The following GLG1 variants were observed in gnomAD, a reference collection of about 807,000 sequenced individuals.
GLG1 encodes the protein Golgi apparatus protein 1.
Under a neutral mutation model 160.5 loss-of-function variants are expected in GLG1, and 38 were observed. The observed-to-expected ratio is 0.24, with a 90% CI of 0.18 to 0.31. The LOEUF (loss-of-function observed/expected upper bound fraction) is 0.31. Among genes scored for constraint, GLG1 ranks in the 10% least tolerant of loss-of-function variants. The pLI is 1.00. For missense variants in GLG1, 1,373 were observed against 1,505.2 expected (o/e 0.91, Z 1.45); for synonymous variants, 644 against 543.4 (o/e 1.19, Z -2.57).
At position 74,517,103 on chromosome 16, in the gene GLG1, C is replaced by T. The variant is rs558295055; in HGVS notation, c.472-8178G>A. On this transcript the variant is annotated intron_variant, in intron 2 of 25. Coordinates refer to ENST00000422840, the MANE Select transcript of GLG1 (RefSeq NM_001145667.2). Reference sequence around the variant, plus strand: ...AAAAGTCCAGGACCAGGTGGACTCACGGCCGAATTCTACCAGAGGTACAAA... The same window carrying T: ...AAAAGTCCAGGACCAGGTGGACTCATGGCCGAATTCTACCAGAGGTACAAA... 2.2e-4 allele frequency among the ~76,000 whole-genome samples: 33 copies of T among 152,280 alleles called. 1 individual carries two copies. The highest frequency in any genetic ancestry group is 6.5e-4 in the African/African-American group (27 of 41,558).
In GLG1 at chr16:74,492,943, A is replaced by T. The variant is rs7196423; in HGVS notation, c.1234+14T>A. 5,816 of 1,532,310 alleles carry T rather than the reference A, an allele frequency of 3.8e-3. 96 individuals are homozygous for T. In the African/African-American group the frequency reaches 0.048, roughly 13 times the overall value. 94.9% of individuals were successfully genotyped at this position (1,532,310 alleles called of 1,614,324 possible). ...GAACAGAAATGATAATTAAAAAAAA[A>T]ATATGAATGCTACCTCTGTGTACAG... On this transcript the variant is annotated intron_variant, in intron 7 of 25. Coordinates refer to ENST00000422840, the MANE Select transcript of GLG1 (RefSeq NM_001145667.2).
chr16:74,535,403 C>G (rs1346618558), intron 1 of GLG1, among the ~76,000 whole-genome samples: 1 of 152,212 alleles, frequency 6.6e-6, no homozygotes, highest in African/African-American at 2.4e-5. Context: ...TGATTTGCAA[C>G]TGACTATAAA....
intron 19 of GLG1, among the ~76,000 whole-genome samples, chr16:74,465,385 C>T (rs1158212509): frequency 6.6e-6 from 1 of 152,194 alleles, no homozygotes; most frequent in African/African-American, 2.4e-5. Flanking sequence ...ACTTGTGCCT[C>T]AGGTCAAAGT....
intron 1 of GLG1, among the ~76,000 whole-genome samples, chr16:74,565,734 G>C (rs1315089497): frequency 6.6e-6 from 1 of 152,276 alleles, no homozygotes; most frequent in East Asian, 1.9e-4. Flanking sequence ...TGCCTGATTC[G>C]CAAATTATTC....
At position 74,493,160 on chromosome 16, in the gene GLG1, A is replaced by G; in HGVS notation, c.1051-20T>C. The G allele has an allele frequency of 6.3e-7, 1 of 1,579,596 alleles. No individual in the cohort carries two copies. The highest frequency in any genetic ancestry group is 8.7e-7 in the Non-Finnish European group (1 of 1,155,894). Reference sequence around the variant, plus strand: ...TCGACACTGAGGAAAGAGTACAGCAACAGCCGTGAGACCACTCATGTAACT... The same window carrying G: ...TCGACACTGAGGAAAGAGTACAGCAGCAGCCGTGAGACCACTCATGTAACT... On this transcript the variant is annotated intron_variant, in intron 6 of 25. Coordinates refer to ENST00000422840, the MANE Select transcript of GLG1 (RefSeq NM_001145667.2).
chr16:74,598,044 A>C (rs771838303), intron 1 of GLG1, among the ~76,000 whole-genome samples: 1 of 152,066 alleles, frequency 6.6e-6, no homozygotes, highest in Non-Finnish European at 1.5e-5. Flanking sequence ...AACAAAATCA[A>C]TAAGAATGAT....
chr16:74,544,052 T>C (rs937984071), intron 1 of GLG1, among the ~76,000 whole-genome samples: 3 of 152,226 alleles, frequency 2.0e-5, no homozygotes, highest in Non-Finnish European at 2.9e-5. Context: ...GCAGAACAGA[T>C]GCAGATCCTT....
intron 1 of GLG1, among the ~76,000 whole-genome samples, chr16:74,586,859 C>T (rs1212180193): frequency 1.3e-5 from 2 of 152,164 alleles, no homozygotes; most frequent in East Asian, 3.9e-4. Context: ...CCACACCCTG[C>T]TAATTTTTGT....
intron 2 of GLG1, among the ~76,000 whole-genome samples, chr16:74,519,603 T>A (rs13380609): frequency 0.27 from 40,941 of 150,958 alleles, 6,041 homozygotes; most frequent in Middle Eastern, 0.36. Flanking sequence ...GCTCGTTTAA[T>A]CTACTTCCTC....
chr16:74,466,888 G>A (rs956717474), intron 18 of GLG1, among the ~76,000 whole-genome samples: 7 of 152,118 alleles, frequency 4.6e-5, no homozygotes, highest in South Asian at 2.1e-4. Context: ...CATGGAAGAC[G>A]GACTCAGATG....
Position 74,483,085 on chromosome 16 carries a change from C to T in GLG1, c.1611G>A (p.Lys537=). ...GACGGTGTTCACAGTCTTCTACCATCTTCTCTGTGTATAAATGTTCCATCA... is the reference window on the plus strand; with the variant it reads ...GACGGTGTTCACAGTCTTCTACCATTTTCTCTGTGTATAAATGTTCCATCA... ...SCLMEHLYTE[K]MVEDCEHRLL... Residue 537 remains lysine (K), a synonymous_variant, in exon 10 of 26, where the codon AAG becomes AAA. Transcript: ENST00000422840. The T allele has an allele frequency of 6.2e-7, 1 of 1,610,226 alleles. No homozygotes were observed.
At chr16:74,493,188 A>C in intron 6 of GLG1, 48 bp from the exon 7 acceptor site, 1 of 1,325,784 alleles carries the variant, frequency 7.5e-7, no homozygotes, top group South Asian at 1.3e-5. Context: ...ATGTAACTTT[A>C]CTGTTGACGT....
chr16:74,487,645 C>G (rs764698930), intron 8 of GLG1, among the ~76,000 whole-genome samples: 11 of 151,838 alleles, frequency 7.2e-5, no homozygotes, highest in Non-Finnish European at 1.6e-4. Flanking sequence ...TGACAAAGAC[C>G]AAAGCATTTA....
chr16:74,463,286 G>T (rs1033786223), intron 20 of GLG1, 70 bp downstream of exon 20: 3 of 1,486,710 alleles, frequency 2.0e-6, no homozygotes, highest in African/African-American at 2.8e-5. Flanking sequence ...GTTTGAGCAG[G>T]TCACTCTACA....
intron 17 of GLG1, 42 bp from the exon 18 acceptor site, chr16:74,467,890 G>C (rs1175079597): frequency 7.7e-7 from 1 of 1,299,548 alleles, no homozygotes; most frequent in Admixed American, 1.7e-5. Flanking sequence ...CTTGGTTTAG[G>C]CTGGAGATGT....
At chr16:74,498,324 C>T (rs959527167) in intron 4 of GLG1, among the ~76,000 whole-genome samples, 5 of 146,618 alleles carry the variant, frequency 3.4e-5, no homozygotes, top group Non-Finnish European at 7.5e-5. Context: ...CCCAGCTATT[C>T]GGGAAGCTGA....
intron 1 of GLG1, among the ~76,000 whole-genome samples, chr16:74,564,241 C>T (rs1192037351): frequency 6.6e-6 from 1 of 152,108 alleles, no homozygotes; most frequent in Non-Finnish European, 1.5e-5. Context: ...TCTTGTTGCA[C>T]GTGGATGAAT....
chr16:74,602,077 T>C (rs879858111), intron 1 of GLG1, among the ~76,000 whole-genome samples: 3 of 152,114 alleles, frequency 2.0e-5, no homozygotes, highest in Admixed American at 1.3e-4. Flanking sequence ...CTATCTCAAG[T>C]ATACAGTTAA....
intron 1 of GLG1, among the ~76,000 whole-genome samples, chr16:74,565,923 G>A (rs960414818): frequency 4.6e-5 from 7 of 152,182 alleles, no homozygotes; most frequent in Non-Finnish European, 1.0e-4. Context: ...ATCCCATCCA[G>A]GATTTAGTCA....
Sources: gnomAD v4.1 joint callset for allele counts (sites outside exome capture counted in the v4.1 genomes callset) on GRCh38, gnomAD v4.1.1 for gene constraint, MANE v1.5 for transcripts, NCBI Gene and HGNC (gene_info 2026-07-23, HGNC 2026-07-21) for gene names.